Variants in PATJ observed in about 807,000 individuals in gnomAD.
PATJ encodes the protein inaD-like protein.
Under a neutral mutation model 224.9 loss-of-function variants are expected in PATJ, and 190 were observed. The ratio of observed to expected loss-of-function variants is 0.84; its 90% CI spans 0.75 to 0.95. PATJ has a LOEUF of 0.95. Among genes scored for constraint, PATJ ranks in the 40% least tolerant of loss-of-function variants. The pLI, the probability that PATJ is intolerant of heterozygous loss-of-function variation, is 0.00. For synonymous variants in PATJ, 769 were observed against 820.3 expected (o/e 0.94, Z 1.07); for missense variants, 2,121 against 2,270.3 (o/e 0.93, Z 1.34).
At chr1:61,797,816 T>A (rs113896584) in intron 11 of PATJ, among the ~76,000 whole-genome samples, 2,006 of 152,316 alleles carry the variant, frequency 0.013, 41 homozygotes, top group African/African-American at 0.045. Flanking sequence ...TTACTTTTTT[T>A]TTTTTTGAGA....
chr1:62,017,071 A>G (rs1430404694), intron 28 of PATJ, among the ~76,000 whole-genome samples: 3 of 152,228 alleles, frequency 2.0e-5, no homozygotes, highest in Non-Finnish European at 4.4e-5. Flanking sequence ...GATTTTTGAT[A>G]GCTGTTTAGA....
At chr1:61,888,871 G>A (rs778173310) in intron 22 of PATJ, among the ~76,000 whole-genome samples, 31 of 152,164 alleles carry the variant, frequency 2.0e-4, no homozygotes, top group Non-Finnish European at 3.8e-4. Context: ...GCAGGCACAG[G>A]CATTTAAGGA....
chr1:61,959,410 T>TTA (rs1259732286), intron 27 of PATJ, among the ~76,000 whole-genome samples: 10 of 132,974 alleles, frequency 7.5e-5, no homozygotes, highest in African/African-American at 1.3e-4. Flanking sequence ...TATATATATA[T>TTA]TATATATATA....
chr1:61,867,137 C>G (rs1665555898), intron 20 of PATJ, among the ~76,000 whole-genome samples: 1 of 152,140 alleles, frequency 6.6e-6, no homozygotes, highest in Non-Finnish European at 1.5e-5. Flanking sequence ...ACTTAGAATG[C>G]CTTAACCATC....
At chr1:62,103,196 A>G (rs2148844239) in intron 33 of PATJ, among the ~76,000 whole-genome samples, 1 of 152,296 alleles carries the variant, frequency 6.6e-6, no homozygotes, top group South Asian at 2.1e-4. Flanking sequence ...AATATTCAAA[A>G]CAGATGAGAA....
At chr1:61,992,798 C>A (rs1430913307) in intron 28 of PATJ, among the ~76,000 whole-genome samples, 2 of 152,180 alleles carry the variant, frequency 1.3e-5, no homozygotes, top group African/African-American at 4.8e-5. Context: ...TATGTGGCAG[C>A]AAGCACTGGA....
Position 61,827,597 on chromosome 1 carries a change from A to C in PATJ, c.1980+14A>C, listed in dbSNP as rs201088994. On this transcript the variant is annotated intron_variant, in intron 16 of 43. Transcript: ENST00000642238. ...CCTGAGACAGAGGTACTAAATGAAT[A>C]TAGTGCATTTCCCATAGGCATGCCC... 3.7e-6 allele frequency: 6 copies of C among 1,610,762 alleles called. No individual in the cohort carries two copies. The highest frequency in any genetic ancestry group is 5.1e-6 in the Non-Finnish European group (6 of 1,177,654).
At position 62,027,457 on chromosome 1, in the gene PATJ, T is replaced by G. The variant is rs187107234; in HGVS notation, c.3959+9510T>G. ...ACAGATATCTCTTCCAGACCCTGCTTTCAATTCTTTTGGATATATACCACA... is the reference window on the plus strand; with the variant it reads ...ACAGATATCTCTTCCAGACCCTGCTGTCAATTCTTTTGGATATATACCACA... On this transcript the variant is annotated intron_variant, in intron 29 of 43. Transcript: ENST00000642238. Among the ~76,000 whole-genome samples the G allele has an allele frequency of 1.1e-3, 171 of 152,280 alleles. 2 individuals are homozygous for G. The highest frequency in any genetic ancestry group is 2.1e-4 in the South Asian group (1 of 4,822).
intron 27 of PATJ, among the ~76,000 whole-genome samples, chr1:61,981,036 C>T (rs1451950636): frequency 6.6e-6 from 1 of 151,932 alleles, no homozygotes; most frequent in Non-Finnish European, 1.5e-5. Flanking sequence ...GGGAGGCAGC[C>T]TAGGAGGCTG....
At chr1:61,964,498 G>T (rs1025571850) in intron 27 of PATJ, among the ~76,000 whole-genome samples, 2 of 152,128 alleles carry the variant, frequency 1.3e-5, no homozygotes, top group Non-Finnish European at 2.9e-5. Context: ...ACATAGAAAA[G>T]ATATTTAAGG....
intron 31 of PATJ, among the ~76,000 whole-genome samples, chr1:62,060,689 G>C (rs1018084239): frequency 6.6e-6 from 1 of 151,898 alleles, no homozygotes; most frequent in Non-Finnish European, 1.5e-5. Flanking sequence ...AAACTGAAGA[G>C]TCCTGGAGAC....
rs1050132305 is a variant in PATJ at position 61,856,229 on chromosome 1, A to C, written c.2312A>C (p.Lys771Thr). 3 of 1,613,354 alleles carry C rather than the reference A, an allele frequency of 1.9e-6. No homozygotes were observed. The highest frequency in any genetic ancestry group is 2.5e-6 in the Non-Finnish European group (3 of 1,179,252). The stretch of plus-strand genomic sequence containing the variant: ...GGCCTAGTACACCTTGGCATCTGTA[A>C]GCCTTTGGTGGTAAGTGTTGTATTT... ...PPGLVHLGIC[K>T]PLVEDNEEES... The change falls in exon 18 of 44, where the codon AAG (lysine) becomes ACG (threonine). Residue 771 changes from lysine (K) to threonine (T), a missense_variant. Lys to Thr is a moderately conservative substitution (Grantham distance 78). Transcript: ENST00000642238.
intron 28 of PATJ, among the ~76,000 whole-genome samples, chr1:61,995,135 A>G (rs958299495): frequency 6.6e-6 from 1 of 152,192 alleles, no homozygotes; most frequent in South Asian, 2.1e-4. Flanking sequence ...GCAGTGTAGT[A>G]GATTGTAGAA....
At chr1:61,781,735 T>C (rs776993803) in intron 7 of PATJ, among the ~76,000 whole-genome samples, 3 of 152,212 alleles carry the variant, frequency 2.0e-5, no homozygotes, top group Non-Finnish European at 4.4e-5. Context: ...ACCACTAGAT[T>C]TGATGACTTG....
At chr1:61,952,253 T>TGAAAGAGAGA in intron 27 of PATJ, 3 of 475,072 alleles carry the variant, frequency 6.3e-6, no homozygotes, top group Non-Finnish European at 1.1e-5. Context: ...GAACAAAATC[T>TGAAAGAGAGA]GAGAGAGAGA....
chr1:61,949,218 A>T (rs1231914463), intron 27 of PATJ, among the ~76,000 whole-genome samples: 1 of 152,028 alleles, frequency 6.6e-6, no homozygotes, highest in Non-Finnish European at 1.5e-5. Flanking sequence ...ATAATAATAA[A>T]AAAAAAGAAA....
At chr1:61,934,778 A>G (rs1015322437) in intron 27 of PATJ, among the ~76,000 whole-genome samples, 2 of 152,120 alleles carry the variant, frequency 1.3e-5, no homozygotes, top group African/African-American at 4.8e-5. Flanking sequence ...ATACAAACCT[A>G]GTATTTGGCC....
chr1:62,079,160 C>G (rs560848060), intron 31 of PATJ, among the ~76,000 whole-genome samples: 9 of 152,072 alleles, frequency 5.9e-5, no homozygotes, highest in Non-Finnish European at 1.2e-4. Context: ...TGTTTTGCCT[C>G]CCACCCCCAG....
intron 41 of PATJ, among the ~76,000 whole-genome samples, chr1:62,134,993 A>G (rs1666673706): frequency 2.9e-5 from 2 of 69,638 alleles, no homozygotes; most frequent in South Asian, 4.6e-4. Flanking sequence ...CAGGCGCGTC[A>G]TGGCCTATGT....
Sources: gnomAD v4.1 joint callset for allele counts (sites outside exome capture counted in the v4.1 genomes callset) on GRCh38, gnomAD v4.1.1 for gene constraint, MANE v1.5 for transcripts, NCBI Gene and HGNC (gene_info 2026-07-23, HGNC 2026-07-21) for gene names.